Variants in NYAP2 observed in about 807,000 individuals in gnomAD.
NYAP2 encodes the protein neuronal tyrosine-phosphorylated phosphoinositide-3-kinase adaptor 2, also known as neuronal tyrosine-phosphorylated phosphoinositide-3-kinase adapter 2.
Under a neutral mutation model 50.4 loss-of-function variants are expected in NYAP2, and 23 were observed. The observed-to-expected ratio is 0.46, with a 90% CI of 0.33 to 0.65. NYAP2 has a LOEUF of 0.65. Ranked by LOEUF, NYAP2 falls within the 30% of genes least tolerant of loss-of-function variation. NYAP2 has a pLI of 0.02. For missense variants in NYAP2, 885 were observed against 861.0 expected, an observed-to-expected ratio of 1.03 and a Z score of -0.35; for synonymous variants, 394 against 365.2, an observed-to-expected ratio of 1.08 and a Z score of -0.90.
chr2:225,627,276 G>A, intron 6 of NYAP2, 150 bp downstream of exon 6: 1 of 654,488 alleles, frequency 1.5e-6, no homozygotes, highest in African/African-American at 1.8e-5. Flanking sequence ...GTTACATAAA[G>A]GGATATAACA....
chr2:225,577,307 T>TA (rs1692184751), intron 4 of NYAP2, among the ~76,000 whole-genome samples: 1 of 152,216 alleles, frequency 6.6e-6, no homozygotes, highest in Non-Finnish European at 1.5e-5. Context: ...TCAGGAGTGA[T>TA]AAAAATCACC....
At chr2:225,440,329 T>A (rs10196526) in intron 3 of NYAP2, among the ~76,000 whole-genome samples, 18,595 of 152,014 alleles carry the variant, frequency 0.12, 2,074 homozygotes, top group African/African-American at 0.3. Flanking sequence ...AATGACAGAG[T>A]GAAAATATTA....
intron 3 of NYAP2, among the ~76,000 whole-genome samples, chr2:225,439,390 G>A (rs1279352795): frequency 3.3e-5 from 5 of 152,188 alleles, no homozygotes; most frequent in East Asian, 1.9e-4. Context: ...AAGAGAAAAA[G>A]TCACTGAGAG....
chr2:225,668,399 C>G, the NYAP2 span, among the ~76,000 whole-genome samples: 1 of 152,150 alleles, frequency 6.6e-6, no homozygotes, highest in Non-Finnish European at 1.5e-5. Flanking sequence ...TTTGTCTACT[C>G]TATATACTCT....
chr2:225,469,029 A>T (rs1315383489), intron 3 of NYAP2, among the ~76,000 whole-genome samples: 2 of 152,240 alleles, frequency 1.3e-5, no homozygotes, highest in African/African-American at 4.8e-5. Flanking sequence ...GATCTAATTA[A>T]ACTAAAGAGC....
intron 3 of NYAP2, among the ~76,000 whole-genome samples, chr2:225,512,843 TTC>T (rs1443041574): frequency 4.2e-5 from 5 of 118,894 alleles, no homozygotes; most frequent in African/African-American, 9.8e-5. Flanking sequence ...CTCTCTTTCT[TTC>T]TTTCTTTCTT....
intron 2 of NYAP2, among the ~76,000 whole-genome samples, 163 bp downstream of exon 2, chr2:225,401,206 G>A (rs769691025): frequency 2.0e-5 from 3 of 151,974 alleles, no homozygotes; most frequent in South Asian, 4.1e-4. Flanking sequence ...CACAGTGAAG[G>A]CATCCAGGGC....
chr2:225,407,910 G>T (rs1367898498), intron 2 of NYAP2, among the ~76,000 whole-genome samples: 1 of 151,804 alleles, frequency 6.6e-6, no homozygotes, highest in Admixed American at 6.6e-5. Context: ...ATTGCTGCCA[G>T]TTCATACTTT....
chr2:225,646,867 C>A (rs1235307054), intron 6 of NYAP2, among the ~76,000 whole-genome samples: 1 of 151,974 alleles, frequency 6.6e-6, no homozygotes, highest in African/African-American at 2.4e-5. Flanking sequence ...GGACTGGCAT[C>A]CTATGGGGGT....
rs923567341 is a variant in NYAP2, at chr2:225,430,725, T to A, written c.221+21624T>A. ...CCTAACTAGAATGCTATTTTTTTTTTATTAAAACCAAAAACAAAGAAAAAT... is the reference window on the plus strand; with the variant it reads ...CCTAACTAGAATGCTATTTTTTTTTAATTAAAACCAAAAACAAAGAAAAAT... On this transcript the variant is annotated intron_variant, in intron 3 of 6. Transcript: ENST00000636099. Among the ~76,000 whole-genome samples, 11 of 147,620 alleles carry A rather than the reference T, an allele frequency of 7.5e-5. No homozygotes were observed. The East Asian group carries it at 1.2e-3, about 16-fold the overall frequency.
At chr2:225,402,009 C>T (rs574213197) in intron 2 of NYAP2, among the ~76,000 whole-genome samples, 63 of 152,054 alleles carry the variant, frequency 4.1e-4, no homozygotes, top group African/African-American at 1.4e-3. Flanking sequence ...ACAATGTTCT[C>T]ATTTATTTTA....
chr2:225,560,932 C>CAT (rs1691859548), intron 4 of NYAP2, among the ~76,000 whole-genome samples: 1 of 69,326 alleles, frequency 1.4e-5, no homozygotes, highest in South Asian at 9.7e-4. Context: ...CTTTCCAAAA[C>CAT]GTTTTTTTTT....
chr2:225,400,057 T>C lies in NYAP2; in HGVS notation c.-699T>C, dbSNP rs968211097. ...CTAGATGTGAGGCCTTTAATGAGGATGGGAGCCCCCAGGGAGCCGAAATCC... is the reference window on the plus strand; with the variant it reads ...CTAGATGTGAGGCCTTTAATGAGGACGGGAGCCCCCAGGGAGCCGAAATCC... On this transcript the variant is annotated 5_prime_UTR_variant, in exon 1 of 7. It removes an upstream start codon present in the reference 5' UTR. Transcript: ENST00000636099. 2 of 152,024 alleles carry C rather than the reference T, an allele frequency of 1.3e-5. No homozygotes were observed. The highest frequency in any genetic ancestry group is 1.3e-4 in the Admixed American group (2 of 15,250). The allele number at this position is 152,024 out of a possible 1,614,324, so 9.4% of individuals were successfully genotyped here.
intron 4 of NYAP2, among the ~76,000 whole-genome samples, chr2:225,521,554 C>A (rs1385432120): frequency 6.6e-6 from 1 of 152,064 alleles, no homozygotes; most frequent in East Asian, 1.9e-4. Context: ...GTCTTTGGTT[C>A]TGTTTATATG....
intron 3 of NYAP2, among the ~76,000 whole-genome samples, chr2:225,431,955 T>C (rs902510164): frequency 1.3e-5 from 2 of 151,888 alleles, no homozygotes; most frequent in Non-Finnish European, 2.9e-5. Flanking sequence ...ATAACAATGA[T>C]AGGGTTTTTT....
intron 4 of NYAP2, among the ~76,000 whole-genome samples, chr2:225,528,116 C>T (rs549288209): frequency 1.7e-4 from 26 of 152,280 alleles, no homozygotes; most frequent in Non-Finnish European, 3.5e-4. Flanking sequence ...AGGGTATAAA[C>T]TCCAGAGGGC....
At chr2:225,419,798 C>T (rs1185717519) in intron 3 of NYAP2, among the ~76,000 whole-genome samples, 1 of 152,116 alleles carries the variant, frequency 6.6e-6, no homozygotes. Flanking sequence ...TCACATGGCA[C>T]CATGTCTACA....
At chr2:225,571,320 C>T (rs1235705697) in intron 4 of NYAP2, among the ~76,000 whole-genome samples, 1 of 152,246 alleles carries the variant, frequency 6.6e-6, no homozygotes, top group African/African-American at 2.4e-5. Context: ...AGTGGGGACT[C>T]TGTATGGGGG....
At chr2:225,654,535 T>A (rs1180372349), downstream of NYAP2, among the ~76,000 whole-genome samples, 1 of 151,756 alleles carries the variant, frequency 6.6e-6, no homozygotes, top group Non-Finnish European at 1.5e-5. Context: ...ATACAAAAAA[T>A]TAGCTGGACG....
Sources: gnomAD v4.1 joint callset for allele counts (sites outside exome capture counted in the v4.1 genomes callset) on GRCh38, gnomAD v4.1.1 for gene constraint, MANE v1.5 for transcripts, NCBI Gene and HGNC (gene_info 2026-07-23, HGNC 2026-07-21) for gene names.